The following HS3ST5 variants were observed in gnomAD, a reference collection of about 807,000 sequenced individuals.
HS3ST5 encodes heparan sulfate glucosamine 3-O-sulfotransferase 5.
HS3ST5 carries 10 observed loss-of-function variants against 25.4 expected under a neutral mutation model. The observed-to-expected ratio is 0.39, with a 90% CI of 0.24 to 0.67. The LOEUF (loss-of-function observed/expected upper bound fraction) is 0.67, where lower values mean the gene tolerates loss of function less well. HS3ST5 is among the 30% of genes least tolerant of loss of function. The pLI is 0.44. For synonymous variants in HS3ST5, 170 were observed against 162.4 expected (o/e 1.05, Z -0.36); for missense variants, 324 against 420.7 (o/e 0.77, Z 2.01).
intron 3 of HS3ST5, among the ~76,000 whole-genome samples, chr6:114,147,417 C>G (rs1257877727): frequency 6.6e-6 from 1 of 152,170 alleles, no homozygotes; most frequent in Non-Finnish European, 1.5e-5. Context: ...CTCCTCCATG[C>G]ATAGGGACAC....
chr6:114,281,866 C>T (rs1021076514), intron 1 of HS3ST5: 18 of 151,830 alleles, frequency 1.2e-4, no homozygotes, highest in African/African-American at 2.9e-4. Flanking sequence ...CATTGGGAGA[C>T]GGCAGGAAAT....
chr6:114,083,662 T>C (rs1292455970), intron 3 of HS3ST5, among the ~76,000 whole-genome samples: 2 of 152,376 alleles, frequency 1.3e-5, no homozygotes, highest in East Asian at 3.9e-4. Flanking sequence ...TTCTTTAATA[T>C]GTCTTCGTGT....
chr6:114,296,738 G>A (rs1490860248), intron 1 of HS3ST5, among the ~76,000 whole-genome samples: 1 of 152,150 alleles, frequency 6.6e-6, no homozygotes, highest in Non-Finnish European at 1.5e-5. Context: ...AGCTTTGCCA[G>A]GTAGAAAGAG....
chr6:114,141,594 A>G (rs1777901310), intron 3 of HS3ST5, among the ~76,000 whole-genome samples: 1 of 152,232 alleles, frequency 6.6e-6, no homozygotes, highest in South Asian at 2.1e-4. Context: ...TTAACTATAA[A>G]GAAAGGTGAT....
intron 3 of HS3ST5, among the ~76,000 whole-genome samples, chr6:114,149,745 A>G (rs889648620): frequency 4.6e-5 from 7 of 152,212 alleles, no homozygotes; most frequent in Non-Finnish European, 8.8e-5. Context: ...AATTTTAAAA[A>G]TTAAAAAAAA....
At chr6:114,150,352 C>A (rs926995991) in intron 3 of HS3ST5, among the ~76,000 whole-genome samples, 6 of 152,158 alleles carry the variant, frequency 3.9e-5, no homozygotes, top group African/African-American at 1.4e-4. Flanking sequence ...GCACACAGTG[C>A]CAAAGGATTG....
rs562146710 is a variant in HS3ST5, at chr6:114,206,928, C to G, written c.-145+21657G>C. Among the ~76,000 whole-genome samples the G allele has an allele frequency of 3.3e-5, 5 of 152,264 alleles. No homozygotes were observed. The East Asian group carries it at 9.7e-4, about 29-fold the overall frequency. On this transcript the variant is annotated intron_variant, in intron 2 of 4. Transcript: ENST00000312719. Reference sequence around the variant, plus strand: ...GGAACAGAAGGGACATTGTGGAGTACATTAAAAATTGCCCCATCTTCAGTC... The same window carrying G: ...GGAACAGAAGGGACATTGTGGAGTAGATTAAAAATTGCCCCATCTTCAGTC...
In HS3ST5 at chr6:114,057,966, T is replaced by C. The variant is rs1471309444; in HGVS notation, c.332A>G (p.Asn111Ser). 6.2e-7 allele frequency: 1 copy of C among 1,614,090 alleles called. No homozygotes were observed. Among genetic ancestry groups the C allele is most frequent in the African/African-American group, 1.3e-5 (1 of 75,026 alleles). ...GGCTTTGACTACTGCCGGATGTAGG[T>C]TCAGCATTTCAAGCAGGGCCCTTGT... ...GGTRALLEML[N>S]LHPAVVKASQ... is the part of the protein sequence containing the mutation. Residue 111 changes from asparagine to serine, a missense_variant, in exon 5 of 5, where the codon AAC becomes AGC. Around this residue, in one of 2 missense-constraint regions of HS3ST5, gnomAD observed 203 missense variants for 303.4 expected, o/e 0.67. Transcript: ENST00000312719.
At chr6:114,308,100 A>G (rs1471708188) in intron 1 of HS3ST5, among the ~76,000 whole-genome samples, 2 of 152,174 alleles carry the variant, frequency 1.3e-5, no homozygotes, top group Admixed American at 1.3e-4. Flanking sequence ...TTCAAGAAAA[A>G]CAGAGAAAAA....
chr6:114,211,478 A>G (rs1183949746), intron 2 of HS3ST5, among the ~76,000 whole-genome samples: 2 of 152,218 alleles, frequency 1.3e-5, no homozygotes, highest in East Asian at 1.9e-4. Context: ...TCAAAATAAT[A>G]AAATTAAAGA....
chr6:114,060,323 TA>T (rs1773035293), intron 4 of HS3ST5, among the ~76,000 whole-genome samples: 1 of 152,194 alleles, frequency 6.6e-6, no homozygotes, highest in African/African-American at 2.4e-5. Flanking sequence ...AGACAGCTTT[TA>T]AAAAACAGGA....
intron 3 of HS3ST5, among the ~76,000 whole-genome samples, chr6:114,101,548 G>A (rs1425481893): frequency 6.6e-6 from 1 of 152,170 alleles, no homozygotes; most frequent in Non-Finnish European, 1.5e-5. Flanking sequence ...AGAAAACTGT[G>A]TATGATGCTA....
intron 3 of HS3ST5, among the ~76,000 whole-genome samples, chr6:114,068,905 C>T (rs1773625947): frequency 6.6e-6 from 1 of 152,082 alleles, no homozygotes; most frequent in Non-Finnish European, 1.5e-5. Context: ...GGTATCTTGG[C>T]TGAACAAAGC....
At chr6:114,312,916 AG>A (rs1225414252) in intron 1 of HS3ST5, among the ~76,000 whole-genome samples, 3 of 145,226 alleles carry the variant, frequency 2.1e-5, no homozygotes, top group Non-Finnish European at 3.0e-5. Flanking sequence ...TATAGTTACT[AG>A]GGAGGCTGAG....
At chr6:114,130,158 A>T (rs1446975129) in intron 3 of HS3ST5, among the ~76,000 whole-genome samples, 1 of 152,254 alleles carries the variant, frequency 6.6e-6, no homozygotes, top group Non-Finnish European at 1.5e-5. Context: ...ATTTAAAGTA[A>T]TCACAATTAA....
chr6:114,123,970 A>G (rs1776917008), intron 3 of HS3ST5, among the ~76,000 whole-genome samples: 1 of 152,100 alleles, frequency 6.6e-6, no homozygotes, highest in East Asian at 1.9e-4. Flanking sequence ...ACTGATCTTT[A>G]CCATGATCAT....
chr6:114,285,389 T>C (rs567632962), intron 1 of HS3ST5, among the ~76,000 whole-genome samples: 1 of 152,004 alleles, frequency 6.6e-6, no homozygotes, highest in Non-Finnish European at 1.5e-5. Context: ...CACACCCCTA[T>C]GAAACAAGTT....
At chr6:114,119,671 A>G (rs1042877986) in intron 3 of HS3ST5, among the ~76,000 whole-genome samples, 4 of 152,200 alleles carry the variant, frequency 2.6e-5, no homozygotes, top group Non-Finnish European at 5.9e-5. Flanking sequence ...CAGGATGGGA[A>G]GATTTAGCAT....
intron 1 of HS3ST5, among the ~76,000 whole-genome samples, chr6:114,248,220 ATAT>A (rs1772475828): frequency 8.8e-6 from 1 of 114,208 alleles, no homozygotes; most frequent in East Asian, 2.3e-4. Flanking sequence ...AAAAAAAAAT[ATAT>A]ATATATATAT....
Sources: allele counts gnomAD v4.1 joint callset (sites outside exome capture counted in the v4.1 genomes callset), GRCh38; gene constraint gnomAD v4.1.1; regional missense constraint gnomAD v4.1.1; transcripts MANE v1.5; gene names NCBI Gene and HGNC (gene_info 2026-07-23, HGNC 2026-07-21).